The following PRX variants were observed in gnomAD, a reference collection of about 807,000 sequenced individuals.
PRX encodes periaxin.
In PRX, 24 loss-of-function variants were observed where a neutral mutation model predicts 29.6. That is an observed-to-expected ratio of 0.81 (90% CI 0.59 to 1.14). PRX has a LOEUF of 1.14. Ranked by LOEUF, PRX falls within the 50% of genes most tolerant of loss-of-function variation. The pLI is 0.00. For missense variants in PRX, 1,838 were observed against 1,926.4 expected (o/e 0.95, Z 0.86); for synonymous variants, 772 against 831.7 (o/e 0.93, Z 1.24).
At chr19:40,408,734 G>A (rs1383773386) in intron 1 of PRX, among the ~76,000 whole-genome samples, 6 of 152,052 alleles carry the variant, frequency 3.9e-5, no homozygotes, top group Admixed American at 2.0e-4. Flanking sequence ...GGGCTCAGGC[G>A]ATCCTCCCAC....
Position 40,395,693 on chromosome 19 carries a change from C to G in PRX, c.2659G>C (p.Val887Leu). 1 of 1,614,154 alleles carries G rather than the reference C, an allele frequency of 6.2e-7. No homozygotes were observed. The highest frequency in any genetic ancestry group is 1.1e-5 in the South Asian group (1 of 91,088). The change falls in exon 7 of 7, where the codon GTG becomes CTG. Residue 887 changes from valine to leucine, a missense_variant. Physicochemically the swap from Val to Leu is conservative, Grantham distance 32. This residue lies in a region of PRX where 1,143 missense variants were observed against 1,193.0 expected (regional missense o/e 0.96). Transcript: ENST00000324001. ...CCCACTTCCCTGACCCCTGCTGCCA[C>G]CTCAGGGCCCTCCACCCGCTCTCCC... Reference protein sequence around the residue: ...GKGERVEGPEVAAGVREVGFR... With the variant: ...GKGERVEGPELAAGVREVGFR...
chr19:40,410,673 C>T (rs1323432060), intron 1 of PRX, among the ~76,000 whole-genome samples: 9 of 152,146 alleles, frequency 5.9e-5, no homozygotes, highest in African/African-American at 2.2e-4. Context: ...GGGTTCGAGA[C>T]CAGTCTGGCC....
chr19:40,404,720 G>A (rs1411504567), intron 4 of PRX, among the ~76,000 whole-genome samples: 1 of 151,918 alleles, frequency 6.6e-6, no homozygotes, highest in Non-Finnish European at 1.5e-5. Flanking sequence ...ATAGGCACGC[G>A]CCACCACGCC....
Position 40,398,840 on chromosome 19 carries a change from A to C in PRX, c.185-24T>G. 6.2e-7 allele frequency: 1 copy of C among 1,613,804 alleles called. No individual in the cohort carries two copies. ...CCCTGCGGGCGAGGTGGAGGTGCGC[A>C]GCACGTGGGCATCTCCCGGCTCCGC... On this transcript the variant is annotated intron_variant, in intron 5 of 6. Transcript: ENST00000324001. The surrounding 1 kb of genome is among the most constrained non-coding windows in gnomAD (Gnocchi z 6.3).
Position 40,401,022 on chromosome 19 carries a change from G to C in PRX, c.185-2206C>G, listed in dbSNP as rs193080236. Among the ~76,000 whole-genome samples, 72 of 152,164 alleles carry C rather than the reference G, an allele frequency of 4.7e-4. 1 individual carries two copies. In the East Asian group the frequency reaches 0.013, roughly 29 times the overall value. On this transcript the variant is annotated intron_variant, in intron 5 of 6. Coordinates refer to ENST00000324001, the MANE Select transcript of PRX (RefSeq NM_181882.3). ...CAAACTGTACTCCTGGTCTTTCTTA[G>C]TACTAGCCTCAGTGTGCTCCTTTTG...
chr19:40,394,995 ACT>A lies in PRX; in HGVS notation c.3355_3356del (p.Ser1119TrpfsTer18). On this transcript the variant is annotated frameshift_variant, in exon 7 of 7. Transcript: ENST00000324001. LOFTEE classifies it low-confidence loss of function (END_TRUNC). This position sits in a 1 kb window ranked among gnomAD's most constrained non-coding sequence, Gnocchi z 5.8. The part of the protein sequence containing the change: ...EGRAEGAVAV[S>X]GMQLSGLKVS... ...CCTTCAGGCCTGACAGCTGCATTCC[ACT>A]GACGGCCACAGCCCCCTCTGCCCTC... 1.9e-6 allele frequency: 3 copies of A among 1,608,426 alleles called. No homozygotes were observed. Among genetic ancestry groups the A allele is most frequent in the Non-Finnish European group, 2.5e-6 (3 of 1,179,608 alleles).
rs2079430119 is a variant in PRX at position 40,395,920 on chromosome 19, C to A, written c.2432G>T (p.Arg811Met). ...CTTGCCACGTGATGGGGACTCTGCC[C>A]TCCCTAGCTTGGGCATGGTCATCTT... ...MPKMTMPKLG[R>M]AESPSRGKPG... The change falls in exon 7 of 7, where the codon AGG becomes ATG. Residue 811 changes from arginine to methionine, a missense_variant. By Grantham distance (91) the Arg-to-Met change is moderately conservative. Around this residue, in one of 3 missense-constraint regions of PRX, gnomAD observed 1,143 missense variants for 1,193.0 expected, o/e 0.96. Coordinates refer to ENST00000324001, the MANE Select transcript of PRX (RefSeq NM_181882.3). 6.2e-7 allele frequency: 1 copy of A among 1,614,082 alleles called. No individual in the cohort carries two copies. The highest frequency in any genetic ancestry group is 1.3e-5 in the African/African-American group (1 of 74,940).
rs535958285 is a variant in PRX, at chr19:40,397,491, G to T, written c.861C>A (p.Ala287=). ...CCACCTGGGGGACCTGGATTCCCAC[G>T]GCTGGGGCCTCCACAGCAGGCGGAG... ...APAPPAVEAP[A]VGIQVPQVEL... is the part of the protein sequence containing the mutation. Residue 287 remains alanine, a synonymous_variant, in exon 7 of 7, where the codon GCC becomes GCA. Coordinates refer to ENST00000324001, the MANE Select transcript of PRX (RefSeq NM_181882.3). 1.2e-5 allele frequency: 18 copies of T among 1,560,434 alleles called. No homozygotes were observed. In the African/African-American group the frequency reaches 2.0e-4, roughly 18 times the overall value.
In PRX at chr19:40,396,916, G is replaced by C. The variant is rs1296170768; in HGVS notation, c.1436C>G (p.Pro479Arg). ...ELPKVSEMKLPKVPEMAVPEV... is the reference protein window; with the variant it reads ...ELPKVSEMKLRKVPEMAVPEV... ...CGGCACAGCCATCTCTGGCACCTTT[G>C]GGAGTTTCATCTCTGACACCTTGGG... The change falls in exon 7 of 7, where the codon CCA becomes CGA. Residue 479 changes from proline to arginine, a missense_variant. Pro to Arg is a moderately radical substitution (Grantham distance 103). Around this residue, in one of 3 missense-constraint regions of PRX, gnomAD observed 666 missense variants for 665.0 expected, o/e 1.00. Transcript: ENST00000324001. The C allele has an allele frequency of 6.2e-7, 1 of 1,614,182 alleles. No individual in the cohort carries two copies. The highest frequency in any genetic ancestry group is 1.7e-5 in the Admixed American group (1 of 60,026).
In PRX at chr19:40,394,718, T is replaced by C. The variant is rs1389231229; in HGVS notation, c.3634A>G (p.Lys1212Glu). 6.2e-7 allele frequency: 1 copy of C among 1,612,488 alleles called. No individual in the cohort carries two copies. Among genetic ancestry groups the C allele is most frequent in the Non-Finnish European group, 8.5e-7 (1 of 1,179,986 alleles). ...GELLVGEGVF[K>E]MPTVTVPQLE... is the part of the protein sequence containing the mutation. Reference sequence around the variant, plus strand: ...TGGGGCACTGTCACGGTGGGCATCTTAAAGACACCCTCACCCACCAGCAGC... The same window carrying C: ...TGGGGCACTGTCACGGTGGGCATCTCAAAGACACCCTCACCCACCAGCAGC... The change falls in exon 7 of 7, where the codon AAG (lysine) becomes GAG (glutamate). Residue 1212 changes from lysine to glutamate, a missense_variant. Coordinates refer to ENST00000324001, the MANE Select transcript of PRX (RefSeq NM_181882.3). The surrounding 1 kb of genome is among the most constrained non-coding windows in gnomAD (Gnocchi z 5.8).
In PRX at chr19:40,398,553, G is replaced by C. The variant is rs1487037348; in HGVS notation, c.381+67C>G. ...GGCTGGCCCACGATGGCGGGGAATG[G>C]GGCTCACGGCGCAGAGACCGGATCG... On this transcript the variant is annotated intron_variant, in intron 6 of 6. Transcript: ENST00000324001. This position sits in a 1 kb window ranked among gnomAD's most constrained non-coding sequence, Gnocchi z 6.3. 2 of 1,599,416 alleles carry C rather than the reference G, an allele frequency of 1.3e-6. No individual in the cohort carries two copies. Among genetic ancestry groups the C allele is most frequent in the East Asian group, 2.2e-5 (1 of 44,610 alleles).
intron 5 of PRX, among the ~76,000 whole-genome samples, chr19:40,399,564 C>T (rs1199339724): frequency 6.6e-6 from 1 of 152,214 alleles, no homozygotes; most frequent in Non-Finnish European, 1.5e-5. Flanking sequence ...AAGTCCCAGG[C>T]CTCATCTGCT....
Position 40,408,402 on chromosome 19 carries a change from G to T in PRX, c.-242-19C>A. On this transcript the variant is annotated intron_variant, in intron 1 of 6. Coordinates refer to ENST00000324001, the MANE Select transcript of PRX (RefSeq NM_181882.3). ...CGGCGCTCTAAGAAGAATAATGTGA[G>T]CAGTGTTATTGGCTAACAGCCACCG... 1 of 263,090 alleles carries T rather than the reference G, an allele frequency of 3.8e-6. No individual in the cohort carries two copies. The highest frequency in any genetic ancestry group is 7.6e-6 in the Non-Finnish European group (1 of 132,018). The allele number at this position is 263,090 out of a possible 1,614,324, so 16.3% of individuals were successfully genotyped here. A position where few individuals can be genotyped will look rare whatever the true frequency, so the allele number is the denominator to read the frequency against.
At position 40,398,984 on chromosome 19, in the gene PRX, A is replaced by G. The variant is rs1432326328; in HGVS notation, c.185-168T>C. On this transcript the variant is annotated intron_variant, in intron 5 of 6. Coordinates refer to ENST00000324001, the MANE Select transcript of PRX (RefSeq NM_181882.3). This position sits in a 1 kb window ranked among gnomAD's most constrained non-coding sequence, Gnocchi z 6.3. ...CAGTTACGCTAGTCCCCGCCCCATG[A>G]CCTTATCCCCGCCCCCTGCAATGAA... 2.0e-5 allele frequency among the ~76,000 whole-genome samples: 3 copies of G among 148,572 alleles called. No individual in the cohort carries two copies. The highest frequency in any genetic ancestry group is 4.5e-5 in the Non-Finnish European group (3 of 66,988).
In PRX at chr19:40,396,888, C is replaced by A. The variant is rs1261840916; in HGVS notation, c.1464G>T (p.Glu488Asp). The A allele has an allele frequency of 1.2e-6, 2 of 1,614,012 alleles. No individual in the cohort carries two copies. The highest frequency in any genetic ancestry group is 3.3e-5 in the Admixed American group (2 of 60,018). Residue 488 changes from glutamate to aspartate, a missense_variant, in exon 7 of 7, where the codon GAG (glutamate) becomes GAT (aspartate). By Grantham distance (45) the Glu-to-Asp change is conservative. Around this residue, in one of 3 missense-constraint regions of PRX, gnomAD observed 666 missense variants for 665.0 expected, o/e 1.00. Coordinates refer to ENST00000324001, the MANE Select transcript of PRX (RefSeq NM_181882.3). ...GCAGCTCTACCTCTGGAAGCCGCAC[C>A]TCCGGCACAGCCATCTCTGGCACCT... ...LPKVPEMAVP[E>D]VRLPEVELPK...
At position 40,397,596 on chromosome 19, in the gene PRX, T is replaced by C; in HGVS notation, c.756A>G (p.Ser252=). 6.5e-7 allele frequency: 1 copy of C among 1,541,628 alleles called. No individual in the cohort carries two copies. Among genetic ancestry groups the C allele is most frequent in the Non-Finnish European group, 8.7e-7 (1 of 1,148,274 alleles). ...PGAEVGVPQV[S]APKAAPSAEA... ...CTGCTGAGGGGGCAGCCTTGGGGGC[T>C]GAGACCTGGGGGACACCCACCTCCG... Residue 252 remains serine (S), a synonymous_variant, in exon 7 of 7, where the codon TCA becomes TCG. Coordinates refer to ENST00000324001, the MANE Select transcript of PRX (RefSeq NM_181882.3).
intron 5 of PRX, among the ~76,000 whole-genome samples, chr19:40,402,945 G>A (rs1167555668): frequency 1.3e-5 from 2 of 152,038 alleles, no homozygotes; most frequent in Admixed American, 6.6e-5. Flanking sequence ...TGAGGCGGAT[G>A]GATCACCTGA....
In PRX at chr19:40,393,955, G is replaced by T; in HGVS notation, c.*11C>A. 1 of 1,610,378 alleles carries T rather than the reference G, an allele frequency of 6.2e-7. No individual in the cohort carries two copies. On this transcript the variant is annotated 3_prime_UTR_variant, in exon 7 of 7. Coordinates refer to ENST00000324001, the MANE Select transcript of PRX (RefSeq NM_181882.3). ...GGAAGGCAAGAAGGGATCCCCATCT[G>T]ACTAGGGGCTTCAGACAGCCGCAGC...
chr19:40,396,211 AC>A lies in PRX; in HGVS notation c.2140del (p.Val714SerfsTer4). 1.2e-6 allele frequency: 2 copies of A among 1,612,410 alleles called. No individual in the cohort carries two copies. The highest frequency in any genetic ancestry group is 1.7e-6 in the Non-Finnish European group (2 of 1,179,628). On this transcript the variant is annotated frameshift_variant, in exon 7 of 7. Transcript: ENST00000324001. LOFTEE classifies it low-confidence loss of function (END_TRUNC). ...CATGTCAGGGACTTTCATTTCACAG[AC>A]TTTGGGCAGCTGCACCTCTGGGAGG... The part of the protein sequence containing the change: ...VHLPEVQLPK[V>X]CEMKVPDMKL...
Sources: allele counts gnomAD v4.1 joint callset (sites outside exome capture counted in the v4.1 genomes callset), GRCh38; gene constraint gnomAD v4.1.1; regional missense constraint gnomAD v4.1.1; non-coding constraint Gnocchi (gnomAD v3.1); transcripts MANE v1.5; gene names NCBI Gene and HGNC (gene_info 2026-07-23, HGNC 2026-07-21).